The following FNTB variants were observed in gnomAD, a reference collection of about 807,000 sequenced individuals.
FNTB encodes the protein protein farnesyltransferase subunit beta.
In FNTB, 27 loss-of-function variants were observed where a neutral mutation model predicts 59.4. The ratio of observed to expected loss-of-function variants is 0.45; its 90% CI spans 0.34 to 0.63. FNTB has a LOEUF of 0.63. Ranked by LOEUF, FNTB falls within the 20% of genes least tolerant of loss-of-function variation. The pLI is 0.02. For synonymous variants in FNTB, 230 were observed against 220.7 expected (o/e 1.04, Z -0.37); for missense variants, 449 against 559.6 (o/e 0.80, Z 1.99).
intron 2 of FNTB, among the ~76,000 whole-genome samples, chr14:65,010,487 G>A (rs2061666249): frequency 6.6e-6 from 1 of 152,136 alleles, no homozygotes; most frequent in Non-Finnish European, 1.5e-5. Context: ...GCTGATCACG[G>A]GTCACACACT....
intron 1 of FNTB, among the ~76,000 whole-genome samples, chr14:64,996,767 T>A (rs1888410593): frequency 1.9e-5 from 1 of 53,952 alleles, no homozygotes; most frequent in Non-Finnish European, 4.2e-5. Flanking sequence ...TGCTAACATC[T>A]TTTTTTTTTT....
chr14:65,045,633 C>G (rs1418984976), intron 9 of FNTB, among the ~76,000 whole-genome samples: 1 of 152,186 alleles, frequency 6.6e-6, no homozygotes, highest in Non-Finnish European at 1.5e-5. Context: ...ACAGGCTGTT[C>G]TTGAACTCCT....
rs1014181740 is a variant in FNTB, at chr14:65,028,037, C to T, written c.605+256C>T. 1.3e-5 allele frequency among the ~76,000 whole-genome samples: 2 copies of T among 152,148 alleles called. No homozygotes were observed. Among genetic ancestry groups the T allele is most frequent in the South Asian group, 2.1e-4 (1 of 4,826 alleles). On this transcript the variant is annotated intron_variant, in intron 6 of 11. Coordinates refer to ENST00000246166, the MANE Select transcript of FNTB (RefSeq NM_002028.4). The surrounding 1 kb of genome is among the most constrained non-coding windows in gnomAD (Gnocchi z 4.4). ...GCTTTTGTTTTAGAAATTAAAAATA[C>T]ATTTGTTTGGTACAAAATGATATAC...
rs1305328884 is a variant in FNTB, at chr14:65,031,788, G to T, written c.606-822G>T. On this transcript the variant is annotated intron_variant, in intron 6 of 11. Coordinates refer to ENST00000246166, the MANE Select transcript of FNTB (RefSeq NM_002028.4). This position sits in a 1 kb window ranked among gnomAD's most constrained non-coding sequence, Gnocchi z 4.6. The stretch of plus-strand genomic sequence containing the variant: ...ATAGAAAAATAAGCCAGGCATGGTG[G>T]CATGCGCCTGTAATCCCAGCTACTT... Among the ~76,000 whole-genome samples, 2 of 152,104 alleles carry T rather than the reference G, an allele frequency of 1.3e-5. No homozygotes were observed. Among genetic ancestry groups the T allele is most frequent in the Non-Finnish European group, 2.9e-5 (2 of 68,024 alleles).
chr14:65,021,150 A>C (rs2061879100), intron 4 of FNTB, among the ~76,000 whole-genome samples: 1 of 152,238 alleles, frequency 6.6e-6, no homozygotes, highest in Admixed American at 6.5e-5. Context: ...CACTGAAGGA[A>C]GCATCCTCTA....
chr14:65,052,072 G>A (rs545199135), intron 9 of FNTB, among the ~76,000 whole-genome samples: 4 of 152,116 alleles, frequency 2.6e-5, no homozygotes, highest in East Asian at 1.9e-4. Context: ...TGGGATTACA[G>A]GCATAAGCCA....
At chr14:65,053,151 C>CTA (rs2062651241) in intron 9 of FNTB, 87 bp from the exon 10 acceptor site, 1 of 1,066,356 alleles carries the variant, frequency 9.4e-7, no homozygotes, top group Non-Finnish European at 1.2e-6. Flanking sequence ...GAAACCTTGA[C>CTA]TATTCCCCCA....
chr14:65,050,389 G>A (rs1376073584), intron 9 of FNTB, among the ~76,000 whole-genome samples: 2 of 152,172 alleles, frequency 1.3e-5, no homozygotes, highest in Non-Finnish European at 2.9e-5. Flanking sequence ...TTAGGAGTTC[G>A]AGACTGGCTT....
intron 11 of FNTB, among the ~76,000 whole-genome samples, chr14:65,059,926 C>T (rs763123206): frequency 1.5e-4 from 23 of 151,212 alleles, no homozygotes; most frequent in East Asian, 1.9e-4. Context: ...CTCCGCCTCC[C>T]GGGTTCAAGC....
At chr14:64,996,123 C>CAAA (rs60137057) in intron 1 of FNTB, among the ~76,000 whole-genome samples, 2 of 82,520 alleles carry the variant, frequency 2.4e-5, no homozygotes, top group African/African-American at 8.6e-5. Flanking sequence ...AACTCTGTCT[C>CAAA]AAAAAAAAAA....
chr14:65,026,908 G>T (rs1313477912), intron 4 of FNTB, among the ~76,000 whole-genome samples: 1 of 152,024 alleles, frequency 6.6e-6, no homozygotes, highest in Non-Finnish European at 1.5e-5. Flanking sequence ...TGGTGGAGTA[G>T]AAATCAGTGG....
At position 65,029,484 on chromosome 14, in the gene FNTB, C is replaced by T. The variant is rs2062040596; in HGVS notation, c.605+1703C>T. Among the ~76,000 whole-genome samples, 1 of 152,220 alleles carries T rather than the reference C, an allele frequency of 6.6e-6. No homozygotes were observed. The highest frequency in any genetic ancestry group is 2.1e-4 in the South Asian group (1 of 4,834). On this transcript the variant is annotated intron_variant, in intron 6 of 11. Coordinates refer to ENST00000246166, the MANE Select transcript of FNTB (RefSeq NM_002028.4). This position sits in a 1 kb window ranked among gnomAD's most constrained non-coding sequence, Gnocchi z 4.7. ...GCTGATAGTTTCAGAGATGAGCCTACTCAAGGGTCTGTAGTTCCAGTGTAT... is the reference window on the plus strand; with the variant it reads ...GCTGATAGTTTCAGAGATGAGCCTATTCAAGGGTCTGTAGTTCCAGTGTAT...
chr14:65,052,737 C>G (rs2062643607), intron 9 of FNTB, among the ~76,000 whole-genome samples: 1 of 152,106 alleles, frequency 6.6e-6, no homozygotes, highest in South Asian at 2.1e-4. Context: ...TTAGAGAATT[C>G]CCTTTGGAGA....
chr14:65,004,336 AG>A, intron 2 of FNTB, 23 bp downstream of exon 2: 1 of 1,610,184 alleles, frequency 6.2e-7, no homozygotes, highest in Non-Finnish European at 8.5e-7. Context: ...TAGGAGTTTG[AG>A]GGGATCTGGG....
intron 1 of FNTB, among the ~76,000 whole-genome samples, chr14:64,996,129 AAAAAAAAAAAAG>A (rs1888384630): frequency 6.8e-6 from 1 of 147,240 alleles, no homozygotes; most frequent in African/African-American, 2.6e-5. Flanking sequence ...GTCTCAAAAA[AAAAAAAAAAAAG>A]AAAAAAGAAA....
In FNTB at chr14:65,027,714, T is replaced by C. The variant is rs2062009497; in HGVS notation, c.538T>C (p.Tyr180His). The C allele has an allele frequency of 3.1e-6, 5 of 1,614,190 alleles. No individual in the cohort carries two copies. In the East Asian group the frequency reaches 1.1e-4, roughly 36 times the overall value. The change falls in exon 6 of 12, where the codon TAT becomes CAT. Residue 180 changes from tyrosine to histidine, a missense_variant. By Grantham distance (83) the Tyr-to-His change is moderately conservative. Transcript: ENST00000246166. The surrounding 1 kb of genome is among the most constrained non-coding windows in gnomAD (Gnocchi z 5.7). ...DIINREKLLQ[Y>H]LYSLKQPDGS... ...GTTTCTCAGAGAGAAGCTTCTTCAG[T>C]ATTTGTACTCCCTGAAGCAACCTGA...
chr14:65,004,096 G>A (rs984405210), intron 1 of FNTB, among the ~76,000 whole-genome samples, 153 bp from the exon 2 acceptor site: 1 of 152,168 alleles, frequency 6.6e-6, no homozygotes, highest in African/African-American at 2.4e-5. Context: ...TCCTAAGCCT[G>A]TCATCCTGCA....
chr14:65,053,626 T>TAAAAAAACAAAAA (rs2062662344), intron 10 of FNTB, among the ~76,000 whole-genome samples: 1 of 144,324 alleles, frequency 6.9e-6, no homozygotes, highest in African/African-American at 2.7e-5. Context: ...TTCTTTTTTT[T>TAAAAAAACAAAAA]AAAAAAAACA....
At chr14:65,016,920 G>GT (rs34191835) in intron 4 of FNTB, among the ~76,000 whole-genome samples, 34,982 of 114,650 alleles carry the variant, frequency 0.31, 6,918 homozygotes, top group East Asian at 0.52. Flanking sequence ...GGCCCACGTG[G>GT]TTTTTTTTTT....
Sources: allele counts gnomAD v4.1 joint callset (sites outside exome capture counted in the v4.1 genomes callset), GRCh38; gene constraint gnomAD v4.1.1; non-coding constraint Gnocchi (gnomAD v3.1); transcripts MANE v1.5; gene names NCBI Gene and HGNC (gene_info 2026-07-23, HGNC 2026-07-21).